The following ZKSCAN2 variants were observed in gnomAD, a reference collection of about 807,000 sequenced individuals.
ZKSCAN2 encodes the protein zinc finger with KRAB and SCAN domains 2, also known as zinc finger protein with KRAB and SCAN domains 2.
Under a neutral mutation model 90.5 loss-of-function variants are expected in ZKSCAN2, and 38 were observed. The observed-to-expected ratio is 0.42, with a 90% CI of 0.32 to 0.55. ZKSCAN2 has a LOEUF of 0.55. Ranked by LOEUF, ZKSCAN2 falls within the 20% of genes least tolerant of loss-of-function variation. The pLI is 0.11. For missense variants in ZKSCAN2, 1,167 were observed against 1,202.6 expected (o/e 0.97, Z 0.44); for synonymous variants, 429 against 421.6 (o/e 1.02, Z -0.22).
chr16:25,246,686 G>A, intron 5 of ZKSCAN2, 21 bp downstream of exon 5: 1 of 1,613,012 alleles, frequency 6.2e-7, no homozygotes, highest in South Asian at 1.1e-5. Context: ...TCCTACCAGA[G>A]AAACAAAGCA....
At position 25,239,209 on chromosome 16, in the gene ZKSCAN2, G is replaced by A. The variant is rs995934377; in HGVS notation, c.*607C>T. On this transcript the variant is annotated 3_prime_UTR_variant, in exon 7 of 7. Coordinates refer to ENST00000328086, the MANE Select transcript of ZKSCAN2 (RefSeq NM_001012981.5). ...ATGGAGGGCAAGGCATTAGTAACAG[G>A]ATTTCAGTGACAATACAGGGATTCT... 4.0e-5 allele frequency: 6 copies of A among 150,532 alleles called. No homozygotes were observed. The highest frequency in any genetic ancestry group is 1.5e-4 in the African/African-American group (6 of 40,516). The allele number at this position is 150,532 out of a possible 1,614,324, so 9.3% of individuals were successfully genotyped here. A position where few individuals can be genotyped will look rare whatever the true frequency, so the allele number is the denominator to read the frequency against.
chr16:25,243,808 G>A lies in ZKSCAN2; in HGVS notation c.1958C>T (p.Pro653Leu). Reference sequence around the variant, plus strand: ...ACCATTTGGGCTCTGCAGTAGACCTGGAGGTCCCTGGAACTCTGGCTCTTG... The same window carrying A: ...ACCATTTGGGCTCTGCAGTAGACCTAGAGGTCCCTGGAACTCTGGCTCTTG... Reference protein sequence around the residue: ...IVQEPEFQGPPGLLQSPNDFE... With the variant: ...IVQEPEFQGPLGLLQSPNDFE... Residue 653 changes from proline to leucine, a missense_variant, in exon 6 of 7, where the codon CCA becomes CTA. Transcript: ENST00000328086. The A allele has an allele frequency of 6.5e-7, 1 of 1,544,178 alleles. No individual in the cohort carries two copies. The highest frequency in any genetic ancestry group is 8.8e-7 in the Non-Finnish European group (1 of 1,140,332).
intron 4 of ZKSCAN2, among the ~76,000 whole-genome samples, chr16:25,248,794 T>A (rs1962975610): frequency 6.6e-6 from 1 of 152,226 alleles, no homozygotes; most frequent in East Asian, 1.9e-4. Context: ...ATCCTGCTAC[T>A]GGGTATATAT....
At chr16:25,252,302 G>A (rs1370257648) in intron 3 of ZKSCAN2, among the ~76,000 whole-genome samples, 5 of 152,090 alleles carry the variant, frequency 3.3e-5, no homozygotes, top group Non-Finnish European at 5.9e-5. Context: ...CACTTGTGAG[G>A]ACTATAAGTG....
intron 2 of ZKSCAN2, among the ~76,000 whole-genome samples, chr16:25,253,340 T>A (rs890135853): frequency 6.6e-6 from 1 of 152,174 alleles, no homozygotes. Context: ...GTCCCGCTCA[T>A]GTCTCAGTGT....
At position 25,236,234 on chromosome 16, in the gene ZKSCAN2, G is replaced by A. The variant is rs1962765939; in HGVS notation, c.*3582C>T. 6.6e-6 allele frequency: 1 copy of A among 152,232 alleles called. No homozygotes were observed. The highest frequency in any genetic ancestry group is 6.5e-5 in the Admixed American group (1 of 15,278). The allele number at this position is 152,232 out of a possible 1,614,324, so 9.4% of individuals were successfully genotyped here. A position where few individuals can be genotyped will look rare whatever the true frequency, so the allele number is the denominator to read the frequency against. ...CTGTCTTGTCTGTCACTGGGCGCCAGACCTCCTGACAGAGGCTTCCTTCAC... is the reference window on the plus strand; with the variant it reads ...CTGTCTTGTCTGTCACTGGGCGCCAAACCTCCTGACAGAGGCTTCCTTCAC... On this transcript the variant is annotated 3_prime_UTR_variant, in exon 7 of 7. Coordinates refer to ENST00000328086, the MANE Select transcript of ZKSCAN2 (RefSeq NM_001012981.5).
Position 25,256,735 on chromosome 16 carries a change from T to G in ZKSCAN2, c.393A>C (p.Arg131Ser). The change falls in exon 1 of 7, where the codon AGA (arginine) becomes AGC (serine). Residue 131 changes from arginine (R) to serine (S), a missense_variant. Arg to Ser is a moderately radical substitution (Grantham distance 110, BLOSUM62 -1). Transcript: ENST00000328086. The stretch of plus-strand genomic sequence containing the variant: ...TTGGAAAATCCTCTCTCACCTGCTG[T>G]CTTAGTCTTCCAGTCTCTTTCTCCA... The part of the protein sequence containing the change: ...VHLEKETGRL[R>S]QQVSSPVHRE... The G allele has an allele frequency of 6.2e-7, 1 of 1,611,388 alleles. No homozygotes were observed. The highest frequency in any genetic ancestry group is 1.1e-5 in the South Asian group (1 of 90,720).
intron 4 of ZKSCAN2, among the ~76,000 whole-genome samples, chr16:25,251,592 G>A (rs1453476677): frequency 1.3e-5 from 2 of 152,104 alleles, no homozygotes; most frequent in Non-Finnish European, 2.9e-5. Flanking sequence ...CTTTGACCAG[G>A]GGAAGTTTCT....
chr16:25,244,288 G>T lies in ZKSCAN2; in HGVS notation c.1490-12C>A. Reference sequence around the variant, plus strand: ...GCCCCAGTGCACGCCTGCCATTTGGGGATAAAGTTCACAATGTAACAAAGA... The same window carrying T: ...GCCCCAGTGCACGCCTGCCATTTGGTGATAAAGTTCACAATGTAACAAAGA... On this transcript the variant is annotated splice_polypyrimidine_tract_variant and intron_variant, in intron 5 of 6. Coordinates refer to ENST00000328086, the MANE Select transcript of ZKSCAN2 (RefSeq NM_001012981.5). The T allele has an allele frequency of 5.0e-6, 8 of 1,606,084 alleles. No homozygotes were observed. Among genetic ancestry groups the T allele is most frequent in the Non-Finnish European group, 6.0e-6 (7 of 1,175,300 alleles).
In ZKSCAN2 at chr16:25,252,015, G is replaced by A. The variant is rs200631425; in HGVS notation, c.699C>T (p.His233=). Reference sequence around the variant, plus strand: ...TTCTGTAGGAAAAGCCTCTGGCCACGTGGACATCTTTCACTGGTTCCTGTA... The same window carrying A: ...TTCTGTAGGAAAAGCCTCTGGCCACATGGACATCTTTCACTGGTTCCTGTA... ...AGSQEPVKDV[H]VARGFSYRKS... The change falls in exon 4 of 7, where the codon CAC becomes CAT. Residue 233 remains histidine, a synonymous_variant. Coordinates refer to ENST00000328086, the MANE Select transcript of ZKSCAN2 (RefSeq NM_001012981.5). 3.7e-6 allele frequency: 6 copies of A among 1,614,104 alleles called. No homozygotes were observed. Among genetic ancestry groups the A allele is most frequent in the East Asian group, 2.2e-5 (1 of 44,876 alleles).
rs199863199 is a variant in ZKSCAN2, at chr16:25,243,784, C to A, written c.1981+1G>T. ...TAAAACTCCTTGGTTTTGCACCTTACCATTTGGGCTCTGCAGTAGACCTGG... is the reference window on the plus strand; with the variant it reads ...TAAAACTCCTTGGTTTTGCACCTTAACATTTGGGCTCTGCAGTAGACCTGG... On this transcript the variant is annotated splice_donor_variant, in intron 6 of 6. Coordinates refer to ENST00000328086, the MANE Select transcript of ZKSCAN2 (RefSeq NM_001012981.5). LOFTEE classifies it high-confidence loss of function. 10 of 1,249,560 alleles carry A rather than the reference C, an allele frequency of 8.0e-6. No individual in the cohort carries two copies. The South Asian group carries it at 1.5e-4, about 19-fold the overall frequency. The allele number at this position is 1,249,560 out of a possible 1,614,324, so 77.4% of individuals were successfully genotyped here.
Position 25,256,875 on chromosome 16 carries a change from G to A in ZKSCAN2, c.253C>T (p.Leu85Phe). 1 of 1,614,210 alleles carries A rather than the reference G, an allele frequency of 6.2e-7. No homozygotes were observed. Among genetic ancestry groups the A allele is most frequent in the Non-Finnish European group, 8.5e-7 (1 of 1,180,048 alleles). The part of the protein sequence containing the change: ...KPEMRSKEQI[L>F]ELLVIEQFLT... ...AACTGCTCAATCACCAGCAGCTCAA[G>A]TATTTGCTCCTTGGAACGCATTTCT... The change falls in exon 1 of 7, where the codon CTT (leucine) becomes TTT (phenylalanine). Residue 85 changes from leucine to phenylalanine, a missense_variant. By Grantham distance (22) the Leu-to-Phe change is conservative. Transcript: ENST00000328086.
chr16:25,247,360 G>T lies in ZKSCAN2; in HGVS notation c.836C>A (p.Thr279Asn), dbSNP rs780488131. 2 of 1,610,632 alleles carry T rather than the reference G, an allele frequency of 1.2e-6. No homozygotes were observed. The highest frequency in any genetic ancestry group is 4.5e-5 in the East Asian group (2 of 44,884). The change falls in exon 5 of 7, where the codon ACC becomes AAC. Residue 279 changes from threonine (T) to asparagine (N), a missense_variant. Coordinates refer to ENST00000328086, the MANE Select transcript of ZKSCAN2 (RefSeq NM_001012981.5). Reference protein sequence around the residue: ...GSAVSTSNKITRLEQRKEPWT... With the variant: ...GSAVSTSNKINRLEQRKEPWT... The stretch of plus-strand genomic sequence containing the variant: ...TGGCTCCTTTCTCTGTTCCAACCGG[G>T]TTATCTTGTTAGATGTAGACACTGC...
rs1962793134 is a variant in ZKSCAN2, at chr16:25,237,815, G to A, written c.*2001C>T. 6.6e-6 allele frequency: 1 copy of A among 152,176 alleles called. No homozygotes were observed. Among genetic ancestry groups the A allele is most frequent in the African/African-American group, 2.4e-5 (1 of 41,430 alleles). 9.4% of individuals were successfully genotyped at this position (152,176 alleles called of 1,614,324 possible). On this transcript the variant is annotated 3_prime_UTR_variant, in exon 7 of 7. Coordinates refer to ENST00000328086, the MANE Select transcript of ZKSCAN2 (RefSeq NM_001012981.5). The stretch of plus-strand genomic sequence containing the variant: ...CAATCCTGTGTACATATTATTAAGT[G>A]GTGATTTCTATTAATTTACATCTTC...
At position 25,242,697 on chromosome 16, in the gene ZKSCAN2, C is replaced by T. The variant is rs574285646; in HGVS notation, c.1981+1088G>A. Among the ~76,000 whole-genome samples the T allele has an allele frequency of 2.0e-5, 3 of 152,266 alleles. No homozygotes were observed. In the East Asian group the frequency reaches 5.8e-4, roughly 29 times the overall value. On this transcript the variant is annotated intron_variant, in intron 6 of 6. Coordinates refer to ENST00000328086, the MANE Select transcript of ZKSCAN2 (RefSeq NM_001012981.5). ...TGCATGTAGGAAATAGCCAGTAGTT[C>T]CGCTCTGAATAAGCAGAGTTGAGGA...
rs1962890030 is a variant in ZKSCAN2 at position 25,243,868 on chromosome 16, G to C, written c.1898C>G (p.Ser633Cys). ...ETSQEAVIED[S>C]CSERMSEEEI... The stretch of plus-strand genomic sequence containing the variant: ...CTCCTCGCTCATTCTCTCACTGCAA[G>C]AGTCTTCTATTACTGCCTCCTGTGA... Residue 633 changes from serine (S) to cysteine (C), a missense_variant, in exon 6 of 7, where the codon TCT (serine) becomes TGT (cysteine). Physicochemically the swap from Ser to Cys is moderately radical, Grantham distance 112. Coordinates refer to ENST00000328086, the MANE Select transcript of ZKSCAN2 (RefSeq NM_001012981.5). The C allele has an allele frequency of 6.2e-7, 1 of 1,614,032 alleles. No homozygotes were observed. The highest frequency in any genetic ancestry group is 1.6e-4 in the Middle Eastern group (1 of 6,062).
rs754469759 is a variant in ZKSCAN2, at chr16:25,246,751, T to C, written c.1445A>G (p.Lys482Arg). ...DDEIGIEFIR[K>R]SEIHGAPVLF... ...GACAGGGGCACCATGGATTTCAGAC[T>C]TGCGGATAAATTCGATGCCTATTTC... is the stretch of plus-strand genomic sequence containing the variant. Residue 482 changes from lysine to arginine, a missense_variant, in exon 5 of 7, where the codon AAG becomes AGG. Physicochemically the swap from Lys to Arg is conservative, Grantham distance 26 (BLOSUM62 2). Transcript: ENST00000328086. 8 of 1,614,106 alleles carry C rather than the reference T, an allele frequency of 5.0e-6. No homozygotes were observed. The South Asian group carries it at 5.5e-5, about 11-fold the overall frequency.
chr16:25,254,680 C>T (rs542362446), intron 2 of ZKSCAN2, among the ~76,000 whole-genome samples: 3 of 152,276 alleles, frequency 2.0e-5, no homozygotes, highest in Non-Finnish European at 2.9e-5. Context: ...CCGCCTGCCT[C>T]GGCCTCCCAA....
In ZKSCAN2 at chr16:25,247,311, A is replaced by G; in HGVS notation, c.885T>C (p.Ser295=). The G allele has an allele frequency of 1.9e-6, 3 of 1,614,016 alleles. No homozygotes were observed. Among genetic ancestry groups the G allele is most frequent in the South Asian group, 2.2e-5 (2 of 91,084 alleles). ...KEPWTLGLHS[S]NKRSILRSNY... ...TGCTTCGTAGGATACTTCTCTTGTTAGAGGAATGCAGACCTAGAGTCCATG... is the reference window on the plus strand; with the variant it reads ...TGCTTCGTAGGATACTTCTCTTGTTGGAGGAATGCAGACCTAGAGTCCATG... Residue 295 remains serine (S), a synonymous_variant, in exon 5 of 7, where the codon TCT becomes TCC. Transcript: ENST00000328086.
Sources: gnomAD v4.1 joint callset for allele counts (sites outside exome capture counted in the v4.1 genomes callset) on GRCh38, gnomAD v4.1.1 for gene constraint, MANE v1.5 for transcripts, NCBI Gene and HGNC (gene_info 2026-07-23, HGNC 2026-07-21) for gene names.